The following AGAP1 variants were observed in gnomAD, a reference collection of about 807,000 sequenced individuals.
AGAP1 encodes the protein arf-GAP with GTPase, ANK repeat and PH domain-containing protein 1.
Under a neutral mutation model 105.3 loss-of-function variants are expected in AGAP1, and 29 were observed. That is an observed-to-expected ratio of 0.28 (90% CI 0.21 to 0.38). The LOEUF (loss-of-function observed/expected upper bound fraction) is 0.38. Among genes scored for constraint, AGAP1 ranks in the 10% least tolerant of loss-of-function variants. AGAP1 has a pLI of 1.00. For missense variants in AGAP1, 998 were observed against 1,165.1 expected (o/e 0.86, Z 2.09); for synonymous variants, 509 against 485.9 (o/e 1.05, Z -0.63).
chr2:236,036,610 A>G lies in AGAP1; in HGVS notation c.1695A>G (p.Thr565=), dbSNP rs775102730. The part of the protein sequence containing the change: ...EFIIVSLTGQ[T]WHFEATTYEE... ...TCATTGTGTCCCTCACTGGCCAAAC[A>G]TGGCACTTTGAAGCCACGACGTATG... The change falls in exon 14 of 18, where the codon ACA becomes ACG. Residue 565 remains threonine (T), a synonymous_variant. Coordinates refer to ENST00000304032, the MANE Select transcript of AGAP1 (RefSeq NM_001037131.3). This position sits in a 1 kb window ranked among gnomAD's most constrained non-coding sequence, Gnocchi z 5.7. 6 of 1,614,220 alleles carry G rather than the reference A, an allele frequency of 3.7e-6. No individual in the cohort carries two copies. The highest frequency in any genetic ancestry group is 3.3e-5 in the South Asian group (3 of 91,084).
intron 13 of AGAP1, 114 bp downstream of exon 13, chr2:235,968,737 T>A: frequency 9.1e-7 from 1 of 1,097,298 alleles, no homozygotes; most frequent in Non-Finnish European, 1.3e-6. Context: ...GTAATGCTGG[T>A]CACCGTATGT....
intron 9 of AGAP1, among the ~76,000 whole-genome samples, chr2:235,848,316 C>T (rs112341849): frequency 2.0e-5 from 3 of 152,186 alleles, no homozygotes; most frequent in African/African-American, 7.2e-5. Context: ...GGCCTGTGCC[C>T]TCATCACTCC....
chr2:235,579,346 TAA>T (rs1944848963), intron 1 of AGAP1, among the ~76,000 whole-genome samples: 1 of 152,212 alleles, frequency 6.6e-6, no homozygotes, highest in Non-Finnish European at 1.5e-5. Context: ...GCCTTTTTGT[TAA>T]AACAAAACAA....
chr2:236,102,139 C>T (rs958564278), intron 16 of AGAP1, among the ~76,000 whole-genome samples: 110 of 152,128 alleles, frequency 7.2e-4, no homozygotes, highest in African/African-American at 2.3e-3. Flanking sequence ...AAAATTAGGC[C>T]GGGCGCGGTG....
rs1957099840 is a variant in AGAP1, at chr2:235,793,523, A to T, written c.674-4236A>T. ...ATGGTGGTGTCATGAGCAGTCCCAG[A>T]GCCGTCGGATTGCTCTGGTGCACTT... On this transcript the variant is annotated intron_variant, in intron 6 of 17. Coordinates refer to ENST00000304032, the MANE Select transcript of AGAP1 (RefSeq NM_001037131.3). This position sits in a 1 kb window ranked among gnomAD's most constrained non-coding sequence, Gnocchi z 5.3. Among the ~76,000 whole-genome samples the T allele has an allele frequency of 6.6e-6, 1 of 152,174 alleles. No individual in the cohort carries two copies. Among genetic ancestry groups the T allele is most frequent in the South Asian group, 2.1e-4 (1 of 4,824 alleles).
At chr2:235,726,099 C>G (rs1431333882) in intron 3 of AGAP1, among the ~76,000 whole-genome samples, 1 of 152,226 alleles carries the variant, frequency 6.6e-6, no homozygotes, top group Non-Finnish European at 1.5e-5. Flanking sequence ...AAATCCAGGG[C>G]TTACCAAAAG....
At chr2:235,949,250 C>T (rs181323747) in intron 12 of AGAP1, among the ~76,000 whole-genome samples, 6 of 152,280 alleles carry the variant, frequency 3.9e-5, no homozygotes, top group Admixed American at 2.6e-4. Flanking sequence ...TGCCTTTTAG[C>T]GTCATGTCGG....
Position 236,093,392 on chromosome 2 carries a change from G to A in AGAP1, c.2115-26800G>A, listed in dbSNP as rs539650326. ...TTTAGCCACAGACTCAGACAGACTC[G>A]GTAGTGGAACAACTCACAGTCTGTG... On this transcript the variant is annotated intron_variant, in intron 16 of 17. Coordinates refer to ENST00000304032, the MANE Select transcript of AGAP1 (RefSeq NM_001037131.3). Among the ~76,000 whole-genome samples the A allele has an allele frequency of 1.5e-3, 222 of 152,322 alleles. 3 individuals carry two copies. The highest frequency in any genetic ancestry group is 4.9e-3 in the African/African-American group (204 of 41,572).
intron 2 of AGAP1, among the ~76,000 whole-genome samples, chr2:235,715,613 C>T (rs75230944): frequency 0.024 from 3,700 of 152,250 alleles, 148 homozygotes; most frequent in African/African-American, 0.082. Context: ...GTTGGGCCTC[C>T]AGGCAGCAGG....
intron 1 of AGAP1, among the ~76,000 whole-genome samples, chr2:235,704,969 C>CTT (rs969370505): frequency 0.13 from 7,910 of 59,810 alleles, 1,408 homozygotes; most frequent in East Asian, 0.27. Flanking sequence ...ATGCTTTTTT[C>CTT]TTTTTTTTTT....
At chr2:235,775,092 C>T (rs773300542) in intron 6 of AGAP1, among the ~76,000 whole-genome samples, 3 of 152,144 alleles carry the variant, frequency 2.0e-5, no homozygotes, top group Non-Finnish European at 2.9e-5. Flanking sequence ...GAAGGGGCAT[C>T]GGAGATTGTC....
In AGAP1 at chr2:235,614,948, A is replaced by G. The variant is rs1289834240; in HGVS notation, c.164-94231A>G. On this transcript the variant is annotated intron_variant, in intron 1 of 17. Transcript: ENST00000304032. The surrounding 1 kb of genome is among the most constrained non-coding windows in gnomAD (Gnocchi z 4.7). ...GGTTCACTGGGGCCGACTTGAAAAT[A>G]GTCAAAGTCCAAGTAAACTTCTGCC... 6.6e-6 allele frequency among the ~76,000 whole-genome samples: 1 copy of G among 152,250 alleles called. No homozygotes were observed. The highest frequency in any genetic ancestry group is 6.5e-5 in the Admixed American group (1 of 15,282).
chr2:235,661,990 G>A (rs1947973212), intron 1 of AGAP1, among the ~76,000 whole-genome samples: 1 of 152,178 alleles, frequency 6.6e-6, no homozygotes, highest in Admixed American at 6.5e-5. Context: ...CAGGGAAAGG[G>A]CTTTTGGAGG....
intron 13 of AGAP1, among the ~76,000 whole-genome samples, chr2:236,022,623 C>T (rs924530099): frequency 2.6e-5 from 4 of 152,200 alleles, no homozygotes; most frequent in Admixed American, 2.0e-4. Context: ...CAGCCTCCAC[C>T]TCCAGGGTTC....
Position 235,900,595 on chromosome 2 carries a change from A to G in AGAP1, c.1156-8143A>G, listed in dbSNP as rs547894407. 4.1e-4 allele frequency among the ~76,000 whole-genome samples: 62 copies of G among 152,216 alleles called. No individual in the cohort carries two copies. Among genetic ancestry groups the G allele is most frequent in the Middle Eastern group, 3.4e-3 (1 of 294 alleles). On this transcript the variant is annotated intron_variant, in intron 10 of 17. Transcript: ENST00000304032. This position sits in a 1 kb window ranked among gnomAD's most constrained non-coding sequence, Gnocchi z 5.5. ...TACCATATATTGGACACTGATTCAGAGCATACACAGCCTTCTGGAGAACTT... is the reference window on the plus strand; with the variant it reads ...TACCATATATTGGACACTGATTCAGGGCATACACAGCCTTCTGGAGAACTT...
intron 10 of AGAP1, among the ~76,000 whole-genome samples, chr2:235,898,846 C>T (rs1302113189): frequency 6.6e-6 from 1 of 152,122 alleles, no homozygotes; most frequent in Non-Finnish European, 1.5e-5. Flanking sequence ...GAGGCTTATT[C>T]CCTGACCAAG....
chr2:235,525,161 C>T (rs1199066990), intron 1 of AGAP1, among the ~76,000 whole-genome samples: 2 of 152,176 alleles, frequency 1.3e-5, no homozygotes, highest in Non-Finnish European at 2.9e-5. Flanking sequence ...TATTGTATGT[C>T]GGTGCCTCTT....
rs1422079421 is a variant in AGAP1, at chr2:235,664,507, C to A, written c.164-44672C>A. ...TGCTGGGATTACAAGCATGAGCCAC[C>A]ACACTTGGCCTGATTTAATATCTTA... On this transcript the variant is annotated intron_variant, in intron 1 of 17. Coordinates refer to ENST00000304032, the MANE Select transcript of AGAP1 (RefSeq NM_001037131.3). This position sits in a 1 kb window ranked among gnomAD's most constrained non-coding sequence, Gnocchi z 5.7. Among the ~76,000 whole-genome samples the A allele has an allele frequency of 6.6e-6, 1 of 152,188 alleles. No individual in the cohort carries two copies. The highest frequency in any genetic ancestry group is 2.4e-5 in the African/African-American group (1 of 41,436).
chr2:235,707,567 CGTGCTCCCCAGCGTGTGACATGGTGGGTT>C (rs1407703022), intron 1 of AGAP1, among the ~76,000 whole-genome samples: 1 of 137,008 alleles, frequency 7.3e-6, no homozygotes, highest in Admixed American at 7.9e-5. Context: ...CCTGGTGGGA[CGTGCTCCCCAGCGTGTGACATGGTGGGTT>C]GTGCTCCCCC....
Sources: allele counts gnomAD v4.1 joint callset (sites outside exome capture counted in the v4.1 genomes callset), GRCh38; gene constraint gnomAD v4.1.1; non-coding constraint Gnocchi (gnomAD v3.1); transcripts MANE v1.5; gene names NCBI Gene and HGNC (gene_info 2026-07-23, HGNC 2026-07-21).